Variants in TJP1 observed in about 807,000 individuals in gnomAD.
TJP1 encodes tight junction protein ZO-1.
In TJP1, 43 loss-of-function variants were observed where a neutral mutation model predicts 194.2. That is an observed-to-expected ratio of 0.22 (90% CI 0.17 to 0.29). The LOEUF is 0.29. Among genes scored for constraint, TJP1 ranks in the 10% least tolerant of loss-of-function variants. The pLI is 1.00. For missense variants in TJP1, 1,971 were observed against 2,185.7 expected, an observed-to-expected ratio of 0.90 and a Z score of 1.96; for synonymous variants, 801 against 779.0, an observed-to-expected ratio of 1.03 and a Z score of -0.47.
chr15:29,760,268 G>A, intron 8 of TJP1: 2 of 702,068 alleles, frequency 2.8e-6, no homozygotes, highest in Non-Finnish European at 5.2e-6. Context: ...CTGGAGAGAA[G>A]GATCATAATT....
At chr15:29,767,202 C>T (rs2046380337) in intron 4 of TJP1, among the ~76,000 whole-genome samples, 1 of 152,156 alleles carries the variant, frequency 6.6e-6, no homozygotes. Flanking sequence ...TGCCTGTCCA[C>T]TTATTTCCTT....
At chr15:29,834,226 ATTT>A (rs879783769) in intron 2 of TJP1, among the ~76,000 whole-genome samples, 1 of 124,006 alleles carries the variant, frequency 8.1e-6, no homozygotes, top group African/African-American at 3.0e-5. Flanking sequence ...GTAAATAGGG[ATTT>A]TTTTTTTTTT....
intron 1 of TJP1, among the ~76,000 whole-genome samples, chr15:29,820,829 A>G (rs2050280341): frequency 6.6e-6 from 1 of 152,232 alleles, no homozygotes; most frequent in Non-Finnish European, 1.5e-5. Flanking sequence ...AATTTTTCTT[A>G]AACGAAGAAT....
chr15:29,806,048 T>C (rs566175233), intron 1 of TJP1, among the ~76,000 whole-genome samples: 1 of 152,214 alleles, frequency 6.6e-6, no homozygotes, highest in African/African-American at 2.4e-5. Flanking sequence ...GACTTTAAAC[T>C]CAAATGGAAG....
intron 2 of TJP1, among the ~76,000 whole-genome samples, chr15:29,775,587 T>TG (rs2046964637): frequency 6.6e-6 from 1 of 151,698 alleles, no homozygotes; most frequent in Admixed American, 6.6e-5. Context: ...AGGCATCCAC[T>TG]GGGGGAACAT....
chr15:29,866,725 T>C (rs1247706301), intron 2 of TJP1, among the ~76,000 whole-genome samples: 3 of 152,226 alleles, frequency 2.0e-5, no homozygotes, highest in Non-Finnish European at 4.4e-5. Flanking sequence ...TTAAAAAATA[T>C]AATTTGTCTT....
At chr15:29,962,063 G>A (rs2056183341) in intron 1 of TJP1, among the ~76,000 whole-genome samples, 1 of 152,204 alleles carries the variant, frequency 6.6e-6, no homozygotes, top group African/African-American at 2.4e-5. Context: ...CAGGCCAAAT[G>A]TGGACTGCTA....
At chr15:29,921,494 C>T (rs1453489544) in intron 2 of TJP1, among the ~76,000 whole-genome samples, 1 of 152,182 alleles carries the variant, frequency 6.6e-6, no homozygotes, top group Non-Finnish European at 1.5e-5. Flanking sequence ...GAAACAACCT[C>T]ACAGCCCCTG....
chr15:29,824,378 G>A (rs552393438), upstream of TJP1, among the ~76,000 whole-genome samples: 6 of 152,006 alleles, frequency 3.9e-5, no homozygotes. Context: ...GAGAGGCGGA[G>A]GTTGCAATGA....
chr15:29,847,067 T>C (rs901373164), intron 2 of TJP1, among the ~76,000 whole-genome samples: 3 of 152,186 alleles, frequency 2.0e-5, no homozygotes, highest in Admixed American at 6.5e-5. Flanking sequence ...CAAAGCAACA[T>C]AGTACAAAAC....
At chr15:29,965,620 A>G (rs905771532) in intron 1 of TJP1, among the ~76,000 whole-genome samples, 10 of 152,304 alleles carry the variant, frequency 6.6e-5, no homozygotes, top group Middle Eastern at 3.4e-3. Context: ...CCTACATCCT[A>G]CTATCTTCTA....
At chr15:29,761,899 CA>C (rs1595797403) in intron 6 of TJP1, 130 bp from the exon 7 acceptor site, 4 of 846,876 alleles carry the variant, frequency 4.7e-6, no homozygotes, top group Non-Finnish European at 5.1e-6. Flanking sequence ...TACACTTTTC[CA>C]AACTGTCAAA....
At chr15:29,703,117 A>AT (rs2041658649) in intron 27 of TJP1, among the ~76,000 whole-genome samples, 2 of 152,180 alleles carry the variant, frequency 1.3e-5, no homozygotes, top group South Asian at 4.1e-4. Context: ...ACAACGGAAG[A>AT]TCTTGTTAAG....
At chr15:29,819,187 G>C (rs949383749) in intron 1 of TJP1, among the ~76,000 whole-genome samples, 14 of 152,018 alleles carry the variant, frequency 9.2e-5, no homozygotes, top group Non-Finnish European at 2.1e-4. Flanking sequence ...TTGTCATTTA[G>C]ATTTCCTTTG....
chr15:29,765,753 A>G (rs2046291962), intron 5 of TJP1, among the ~76,000 whole-genome samples: 1 of 152,180 alleles, frequency 6.6e-6, no homozygotes, highest in South Asian at 2.1e-4. Context: ...TTAGCTGGAC[A>G]TGGTGGCATG....
chr15:29,716,466 G>GAACTAAAAAGTATGTAC, intron 23 of TJP1, 145 bp downstream of exon 23: 1 of 623,652 alleles, frequency 1.6e-6, no homozygotes, highest in South Asian at 2.6e-5. Context: ...ACACATCCCA[G>GAACTAAAAAGTATGTAC]AACTAAAAAG....
At chr15:29,785,948 TC>T (rs570079113) in intron 2 of TJP1, among the ~76,000 whole-genome samples, 46 of 152,208 alleles carry the variant, frequency 3.0e-4, no homozygotes, top group Non-Finnish European at 5.0e-4. Context: ...TTGAGTTCCC[TC>T]ATCTGAATAA....
Position 29,726,880 on chromosome 15 carries a change from T to C in TJP1, c.2212A>G (p.Thr738Ala). The C allele has an allele frequency of 6.2e-7, 1 of 1,614,210 alleles. No individual in the cohort carries two copies. The highest frequency in any genetic ancestry group is 8.5e-7 in the Non-Finnish European group (1 of 1,180,034). Residue 738 changes from threonine (T) to alanine (A), a missense_variant, in exon 17 of 28, where the codon ACA (threonine) becomes GCA (alanine). Thr to Ala is a moderately conservative substitution (Grantham distance 58, BLOSUM62 0). Coordinates refer to ENST00000614355, the MANE Select transcript of TJP1 (RefSeq NM_001330239.4). ...TCTGGACATAACCTCATTCTCATTG[T>C]TTTTACTCCTTGCTTAGAATCAGGG... Reference protein sequence around the residue: ...LNPDSKQGVKTMRMRLCPESR... With the variant: ...LNPDSKQGVKAMRMRLCPESR...
chr15:29,790,156 T>A (rs957193578), intron 2 of TJP1, among the ~76,000 whole-genome samples: 3 of 152,202 alleles, frequency 2.0e-5, no homozygotes, highest in African/African-American at 7.2e-5. Flanking sequence ...TTGACAGAGA[T>A]TTATGGTCTG....
Sources: gnomAD v4.1 joint callset for allele counts (sites outside exome capture counted in the v4.1 genomes callset) on GRCh38, gnomAD v4.1.1 for gene constraint, MANE v1.5 for transcripts, NCBI Gene and HGNC (gene_info 2026-07-23, HGNC 2026-07-21) for gene names.